The following PTPRD variants were observed in gnomAD, a reference collection of about 807,000 sequenced individuals.
PTPRD encodes the protein protein tyrosine phosphatase receptor type D.
PTPRD carries 34 observed loss-of-function variants against 214.5 expected under a neutral mutation model. The observed-to-expected ratio is 0.16, with a 90% confidence interval of 0.12 to 0.21. The LOEUF (loss-of-function observed/expected upper bound fraction) is 0.21, where lower values mean the gene tolerates loss of function less well. Among genes scored for constraint, PTPRD ranks in the 10% least tolerant of loss-of-function variants. The probability of loss-of-function intolerance (pLI) is 1.00; values close to 1 mark genes in which losing one functional copy is unlikely to be tolerated. For missense variants in PTPRD, 2,545 were observed against 2,398.7 expected, an observed-to-expected ratio of 1.06 and a Z score of -1.27; for synonymous variants, 1,128 against 845.7, an observed-to-expected ratio of 1.33 and a Z score of -5.79.
At chr9:10,045,616 A>T (rs2097373908) in intron 3 of PTPRD, among the ~76,000 whole-genome samples, 1 of 151,730 alleles carries the variant, frequency 6.6e-6, no homozygotes, top group Admixed American at 6.6e-5. Context: ...TGTAAAATGG[A>T]ATGAATAAAA....
At chr9:10,612,621 G>T (rs990350676) in intron 1 of PTPRD, 67 bp downstream of exon 1, 2 of 152,308 alleles carry the variant, frequency 1.3e-5, no homozygotes, top group Admixed American at 1.3e-4. Flanking sequence ...AGGGGGCAAA[G>T]GAAGAAAAAG....
intron 8 of PTPRD, among the ~76,000 whole-genome samples, chr9:9,567,825 A>C (rs1209074148): frequency 6.6e-6 from 1 of 151,984 alleles, no homozygotes; most frequent in East Asian, 1.9e-4. Flanking sequence ...TGATCCTTAT[A>C]GGCTGGGGCA....
chr9:10,427,480 C>G (rs1429435823), intron 2 of PTPRD, among the ~76,000 whole-genome samples: 1 of 152,076 alleles, frequency 6.6e-6, no homozygotes, highest in East Asian at 1.9e-4. Context: ...CATCTTTAAA[C>G]TACTTAGTAA....
chr9:9,061,416 C>G (rs1434348498), intron 10 of PTPRD, among the ~76,000 whole-genome samples: 4 of 152,124 alleles, frequency 2.6e-5, no homozygotes, highest in Admixed American at 6.5e-5. Flanking sequence ...TGACAACAAA[C>G]AAGGTAATGA....
At chr9:8,344,201 C>T (rs753562031) in intron 39 of PTPRD, among the ~76,000 whole-genome samples, 8 of 152,054 alleles carry the variant, frequency 5.3e-5, no homozygotes, top group Non-Finnish European at 7.4e-5. Context: ...AGCTGTGAAT[C>T]GTTTCTCATG....
chr9:9,284,371 C>T (rs903519962), intron 9 of PTPRD, among the ~76,000 whole-genome samples: 2 of 151,600 alleles, frequency 1.3e-5, no homozygotes, highest in South Asian at 2.1e-4. Context: ...GAATAGACTC[C>T]TGCCATGGTT....
intron 7 of PTPRD, among the ~76,000 whole-genome samples, chr9:9,708,970 G>C (rs969301817): frequency 1.3e-5 from 2 of 151,824 alleles, no homozygotes; most frequent in African/African-American, 4.8e-5. Flanking sequence ...ACATTATATA[G>C]CATCAATTAT....
intron 3 of PTPRD, among the ~76,000 whole-genome samples, chr9:10,185,202 T>C (rs2099324184): frequency 6.6e-6 from 1 of 152,212 alleles, no homozygotes; most frequent in Non-Finnish European, 1.5e-5. Context: ...CAGCTGTTTG[T>C]GAACTCTGAT....
chr9:10,064,034 G>A (rs2097830606), intron 3 of PTPRD, among the ~76,000 whole-genome samples: 1 of 151,432 alleles, frequency 6.6e-6, no homozygotes. Flanking sequence ...TTTTTTCAGA[G>A]TACTTTTCTC....
chr9:8,430,820 C>T (rs988874369), intron 35 of PTPRD, among the ~76,000 whole-genome samples: 1 of 152,100 alleles, frequency 6.6e-6, no homozygotes. Flanking sequence ...GCCATCTTCT[C>T]TTCAATACCT....
At chr9:9,886,179 G>C (rs560238092) in intron 5 of PTPRD, among the ~76,000 whole-genome samples, 8 of 152,020 alleles carry the variant, frequency 5.3e-5, no homozygotes, top group African/African-American at 1.7e-4. Flanking sequence ...ACTCCAGAGA[G>C]CAAGATTAGG....
chr9:9,612,994 A>G (rs1429668347), intron 7 of PTPRD, among the ~76,000 whole-genome samples: 1 of 151,594 alleles, frequency 6.6e-6, no homozygotes, highest in Admixed American at 6.6e-5. Context: ...GTACATATGA[A>G]GCCACTGCTG....
At chr9:10,162,223 A>C (rs1354851179) in intron 3 of PTPRD, among the ~76,000 whole-genome samples, 1 of 151,584 alleles carries the variant, frequency 6.6e-6, no homozygotes, top group Non-Finnish European at 1.5e-5. Context: ...ATAATGAGTA[A>C]ATCAAAGAAA....
chr9:8,989,860 A>G (rs536507172), intron 11 of PTPRD, among the ~76,000 whole-genome samples: 1 of 152,282 alleles, frequency 6.6e-6, no homozygotes, highest in Non-Finnish European at 1.5e-5. Flanking sequence ...AAGGAAATTA[A>G]AAAGAAATCA....
chr9:10,143,606 G>A (rs2154269486), intron 3 of PTPRD, among the ~76,000 whole-genome samples: 1 of 152,192 alleles, frequency 6.6e-6, no homozygotes, highest in East Asian at 1.9e-4. Context: ...ATATCCACTT[G>A]TATGTTCATT....
At chr9:8,320,106 TTCATCAAATG>T (rs1400854620) in intron 44 of PTPRD, 140 bp from the exon 45 acceptor site, 9 of 1,034,546 alleles carry the variant, frequency 8.7e-6, no homozygotes, top group Non-Finnish European at 1.1e-5. Flanking sequence ...TGGTATCACA[TTCATCAAATG>T]ATTACTCTTG....
intron 7 of PTPRD, among the ~76,000 whole-genome samples, chr9:9,667,380 C>T (rs1020597470): frequency 6.6e-6 from 1 of 152,116 alleles, no homozygotes; most frequent in Non-Finnish European, 1.5e-5. Context: ...TGCTCAACTA[C>T]TGAATAGGCC....
intron 12 of PTPRD, among the ~76,000 whole-genome samples, chr9:8,660,796 C>T (rs781630942): frequency 6.6e-6 from 1 of 152,142 alleles, no homozygotes; most frequent in Non-Finnish European, 1.5e-5. Context: ...TTTCCACTTA[C>T]TCTTTACCTT....
rs148009526 is a variant in PTPRD at position 10,036,473 on chromosome 9, A to T, written c.-544-2683T>A. ...AAACTGATCACTTAGATATCAAAAC[A>T]AATAGCAGCAAGGCACACATACACA... On this transcript the variant is annotated intron_variant, in intron 3 of 45. Coordinates refer to ENST00000381196, the MANE Select transcript of PTPRD (RefSeq NM_002839.4). 2.2e-4 allele frequency among the ~76,000 whole-genome samples: 33 copies of T among 150,282 alleles called. 1 individual carries two copies. Among genetic ancestry groups the T allele is most frequent in the African/African-American group, 7.9e-4 (32 of 40,406 alleles).
Sources: gnomAD v4.1 joint callset for allele counts (sites outside exome capture counted in the v4.1 genomes callset) on GRCh38, gnomAD v4.1.1 for gene constraint, MANE v1.5 for transcripts, NCBI Gene and HGNC (gene_info 2026-07-23, HGNC 2026-07-21) for gene names.